Variants in KHDRBS2 observed in about 807,000 individuals in gnomAD.
KHDRBS2 encodes KH RNA binding domain containing, signal transduction associated 2, also known as KH domain-containing, RNA-binding, signal transduction-associated protein 2.
In KHDRBS2, 26 loss-of-function variants were observed where a neutral mutation model predicts 44.3. That is an observed-to-expected ratio of 0.59 (90% CI 0.43 to 0.81). KHDRBS2 has a LOEUF of 0.81. Among genes scored for constraint, KHDRBS2 ranks in the 40% least tolerant of loss-of-function variants. The pLI is 0.00. For missense variants in KHDRBS2, 476 were observed against 433.1 expected, an observed-to-expected ratio of 1.10 and a Z score of -0.88; for synonymous variants, 194 against 151.1, an observed-to-expected ratio of 1.28 and a Z score of -2.08.
chr6:62,118,022 C>G (rs1185856040), intron 2 of KHDRBS2, among the ~76,000 whole-genome samples: 2 of 152,110 alleles, frequency 1.3e-5, no homozygotes, highest in African/African-American at 4.8e-5. Flanking sequence ...GTGATCTGCC[C>G]GCCTTGGCCT....
At chr6:61,940,242 C>CA (rs3076276) in intron 4 of KHDRBS2, among the ~76,000 whole-genome samples, 3,296 of 146,276 alleles carry the variant, frequency 0.023, 62 homozygotes, top group Non-Finnish European at 0.036. Flanking sequence ...AATAAAAGTT[C>CA]AAAAAAAAAA....
intron 2 of KHDRBS2, among the ~76,000 whole-genome samples, chr6:62,161,365 TATA>T (rs1263308290): frequency 3.3e-5 from 5 of 151,060 alleles, no homozygotes; most frequent in South Asian, 2.1e-4. Context: ...AAAAATAAAA[TATA>T]ATAATATAAA....
At chr6:61,860,452 A>G (rs1796760886) in intron 6 of KHDRBS2, among the ~76,000 whole-genome samples, 1 of 152,016 alleles carries the variant, frequency 6.6e-6, no homozygotes, top group Non-Finnish European at 1.5e-5. Context: ...GCTCCCACTT[A>G]TAAGTGAGAA....
At chr6:61,700,279 T>A (rs1768435227) in intron 7 of KHDRBS2, among the ~76,000 whole-genome samples, 1 of 151,384 alleles carries the variant, frequency 6.6e-6, no homozygotes, top group African/African-American at 2.4e-5. Flanking sequence ...ACTTTTTATT[T>A]TAATTGCTTA....
rs993058503 is a variant in KHDRBS2, at chr6:62,286,131, C to T, written c.-183G>A. The T allele has an allele frequency of 1.7e-6, 1 of 577,198 alleles. No individual in the cohort carries two copies. The highest frequency in any genetic ancestry group is 3.3e-5 in the Admixed American group (1 of 30,474). 35.8% of individuals were successfully genotyped at this position (577,198 alleles called of 1,614,324 possible). A position where few individuals can be genotyped will look rare whatever the true frequency, so the allele number is the denominator to read the frequency against. ...ACTCCCGCCGTCGGGCTGCGTGGCC[C>T]CGCGCCCACACCTGCCCGTCCCTTC... On this transcript the variant is annotated 5_prime_UTR_variant, in exon 1 of 9. Coordinates refer to ENST00000281156, the MANE Select transcript of KHDRBS2 (RefSeq NM_152688.4).
In KHDRBS2 at chr6:61,925,827, T is replaced by C. The variant is rs189546389; in HGVS notation, c.484-24456A>G. 2.5e-3 allele frequency among the ~76,000 whole-genome samples: 376 copies of C among 152,300 alleles called. 3 individuals carry two copies. Among genetic ancestry groups the C allele is most frequent in the African/African-American group, 8.4e-3 (350 of 41,574 alleles). ...TACATAGAACTTTTATTGAAGGTAG[T>C]TCCCAGTGTTGTGCTGCAATAGTAA... On this transcript the variant is annotated intron_variant, in intron 4 of 8. Transcript: ENST00000281156.
At chr6:62,171,429 G>A (rs75660236) in intron 2 of KHDRBS2, among the ~76,000 whole-genome samples, 1,682 of 151,938 alleles carry the variant, frequency 0.011, 13 homozygotes, top group Middle Eastern at 0.021. Flanking sequence ...TTATAATATG[G>A]GATTATGTAA....
At chr6:62,022,530 T>C in intron 3 of KHDRBS2, among the ~76,000 whole-genome samples, 1 of 151,896 alleles carries the variant, frequency 6.6e-6, no homozygotes, top group African/African-American at 2.4e-5. Flanking sequence ...TACTATATCC[T>C]AAAAAGACAA....
intron 1 of KHDRBS2, among the ~76,000 whole-genome samples, chr6:62,272,088 A>C (rs940683019): frequency 6.6e-6 from 1 of 152,090 alleles, no homozygotes; most frequent in Non-Finnish European, 1.5e-5. Flanking sequence ...TATACTGTAT[A>C]TTTACTGTAC....
At chr6:61,800,025 G>C (rs199581996) in intron 6 of KHDRBS2, among the ~76,000 whole-genome samples, 4 of 151,948 alleles carry the variant, frequency 2.6e-5, no homozygotes, top group African/African-American at 9.7e-5. Context: ...TAAGTAACAA[G>C]ATTTATTCTA....
the KHDRBS2 span, among the ~76,000 whole-genome samples, chr6:61,622,061 C>T: frequency 1.6e-4 from 24 of 152,290 alleles, no homozygotes; most frequent in African/African-American, 5.1e-4. Context: ...TTGTGAGAAC[C>T]TGGGCAGAGG....
At chr6:61,996,442 T>C (rs1188874695) in intron 3 of KHDRBS2, among the ~76,000 whole-genome samples, 1 of 152,220 alleles carries the variant, frequency 6.6e-6, no homozygotes, top group Admixed American at 6.5e-5. Context: ...GGATATTTGC[T>C]ATTATATCTA....
chr6:62,133,312 C>T (rs1182313733), intron 2 of KHDRBS2, among the ~76,000 whole-genome samples: 6 of 152,080 alleles, frequency 3.9e-5, no homozygotes, highest in Admixed American at 2.0e-4. Context: ...ACACTGTTCT[C>T]GTGGTAGTAA....
At chr6:61,631,178 T>C in the KHDRBS2 span, among the ~76,000 whole-genome samples, 133 of 152,126 alleles carry the variant, frequency 8.7e-4, no homozygotes, top group African/African-American at 3.0e-3. Flanking sequence ...GCCATCATTT[T>C]AAACAAACAG....
chr6:61,616,470 CATATATATAT>C, the KHDRBS2 span, among the ~76,000 whole-genome samples: 62,567 of 145,004 alleles, frequency 0.43, 14,142 homozygotes, highest in East Asian at 0.58. Context: ...AAAGAATATA[CATATATATAT>C]ATATATATAT....
At chr6:61,820,005 A>T (rs1190414819) in intron 6 of KHDRBS2, among the ~76,000 whole-genome samples, 3 of 152,088 alleles carry the variant, frequency 2.0e-5, no homozygotes, top group African/African-American at 7.2e-5. Flanking sequence ...CAGGTAAGGC[A>T]CAGGAAGGTT....
the KHDRBS2 span, among the ~76,000 whole-genome samples, chr6:61,607,520 CAAAAAAAAAAA>C: frequency 9.7e-5 from 4 of 41,112 alleles, no homozygotes; most frequent in East Asian, 1.5e-3. Context: ...GAGTTCCAAG[CAAAAAAAAAAA>C]AAAAAAAAAA....
At chr6:62,077,627 A>T (rs1796599481) in intron 2 of KHDRBS2, among the ~76,000 whole-genome samples, 1 of 151,846 alleles carries the variant, frequency 6.6e-6, no homozygotes, top group African/African-American at 2.4e-5. Context: ...TCTGATACTC[A>T]CCTGGTGCCA....
chr6:61,717,163 A>G (rs1339541425), intron 7 of KHDRBS2, among the ~76,000 whole-genome samples: 1 of 152,072 alleles, frequency 6.6e-6, no homozygotes, highest in Admixed American at 6.6e-5. Flanking sequence ...TTAAATACAG[A>G]TTGACTATTT....
Sources: allele counts gnomAD v4.1 joint callset (sites outside exome capture counted in the v4.1 genomes callset), GRCh38; gene constraint gnomAD v4.1.1; transcripts MANE v1.5; gene names NCBI Gene and HGNC (gene_info 2026-07-23, HGNC 2026-07-21).